The following TNS3 variants were observed in gnomAD, a reference collection of about 807,000 sequenced individuals.
TNS3 encodes the protein tensin 3.
Under a neutral mutation model 140.9 loss-of-function variants are expected in TNS3, and 45 were observed. The observed-to-expected ratio is 0.32, with a 90% CI of 0.25 to 0.41. TNS3 has a LOEUF of 0.41. TNS3 is among the 10% of genes least tolerant of loss of function. The probability of loss-of-function intolerance (pLI) is 1.00; values close to 1 mark genes in which losing one functional copy is unlikely to be tolerated. For missense variants in TNS3, 1,716 were observed against 1,906.7 expected, an observed-to-expected ratio of 0.90 and a Z score of 1.86; for synonymous variants, 815 against 788.4, an observed-to-expected ratio of 1.03 and a Z score of -0.56.
chr7:47,419,124 T>C (rs564448734), intron 10 of TNS3, among the ~76,000 whole-genome samples: 2 of 152,378 alleles, frequency 1.3e-5, no homozygotes, highest in African/African-American at 4.8e-5. Flanking sequence ...CACATTGGAA[T>C]TGCTGCAAAG....
intron 4 of TNS3, among the ~76,000 whole-genome samples, chr7:47,453,846 G>C (rs955960805): frequency 6.6e-6 from 1 of 152,220 alleles, no homozygotes; most frequent in African/African-American, 2.4e-5. Flanking sequence ...TAAGAGGAAG[G>C]GTGGCCAGCC....
intron 1 of TNS3, among the ~76,000 whole-genome samples, chr7:47,546,117 C>T (rs976866667): frequency 1.3e-5 from 2 of 152,178 alleles, no homozygotes; most frequent in Admixed American, 6.5e-5. Context: ...AGAGCTGCGG[C>T]GGACCCCGAC....
intron 10 of TNS3, among the ~76,000 whole-genome samples, chr7:47,416,336 G>A (rs755039966): frequency 7.9e-5 from 12 of 152,132 alleles, no homozygotes; most frequent in Non-Finnish European, 1.6e-4. Flanking sequence ...TCTCACTTAC[G>A]CTGGCAATTC....
At chr7:47,358,980 C>T (rs1046647730) in intron 17 of TNS3, among the ~76,000 whole-genome samples, 5 of 152,188 alleles carry the variant, frequency 3.3e-5, no homozygotes, top group Non-Finnish European at 7.3e-5. Flanking sequence ...TTTCAAGCAT[C>T]AGTGGGGAAG....
chr7:47,413,098 C>T (rs1180143450), intron 12 of TNS3, among the ~76,000 whole-genome samples: 1 of 151,786 alleles, frequency 6.6e-6, no homozygotes, highest in African/African-American at 2.4e-5. Context: ...GGACTACAGG[C>T]ACACGCCACC....
chr7:47,378,617 T>A (rs2151206413), intron 16 of TNS3, among the ~76,000 whole-genome samples: 1 of 152,324 alleles, frequency 6.6e-6, no homozygotes, highest in African/African-American at 2.4e-5. Context: ...GCAACCACTG[T>A]CTTCCAAGCA....
At chr7:47,557,430 T>C (rs1800224641) in intron 1 of TNS3, among the ~76,000 whole-genome samples, 1 of 152,208 alleles carries the variant, frequency 6.6e-6, no homozygotes. Flanking sequence ...TGCTATCTTT[T>C]AATCTTTCAA....
At chr7:47,332,863 G>A (rs1392946279) in intron 20 of TNS3, among the ~76,000 whole-genome samples, 1 of 152,252 alleles carries the variant, frequency 6.6e-6, no homozygotes, top group African/African-American at 2.4e-5. Flanking sequence ...CCCAGGGCCA[G>A]CATCAAATCC....
chr7:47,369,561 G>A lies in TNS3; in HGVS notation c.1085C>T (p.Ser362Phe). 1 of 1,611,636 alleles carries A rather than the reference G, an allele frequency of 6.2e-7. No homozygotes were observed. The highest frequency in any genetic ancestry group is 8.5e-7 in the Non-Finnish European group (1 of 1,178,684). Reference sequence around the variant, plus strand: ...GCCACCTGGGATGCCAGGATCCGAGGAGCTTTTCTTCCTCACCTTCGCGTA... The same window carrying A: ...GCCACCTGGGATGCCAGGATCCGAGAAGCTTTTCTTCCTCACCTTCGCGTA... Reference protein sequence around the residue: ...SLYAKVRKKSSSDPGIPGGPQ... With the variant: ...SLYAKVRKKSFSDPGIPGGPQ... Residue 362 changes from serine to phenylalanine, a missense_variant, in exon 17 of 31, where the codon TCC becomes TTC. Coordinates refer to ENST00000311160, the MANE Select transcript of TNS3 (RefSeq NM_022748.12).
chr7:47,511,028 A>G (rs548875536), intron 2 of TNS3, among the ~76,000 whole-genome samples: 1 of 152,358 alleles, frequency 6.6e-6, no homozygotes, highest in South Asian at 2.1e-4. Flanking sequence ...GTGGACCAAT[A>G]ATTTCCAAAT....
intron 4 of TNS3, among the ~76,000 whole-genome samples, chr7:47,454,282 A>C (rs1157246813): frequency 2.6e-5 from 4 of 152,178 alleles, no homozygotes; most frequent in Non-Finnish European, 4.4e-5. Context: ...CCACCTGCCC[A>C]CCATTTGGCA....
intron 4 of TNS3, among the ~76,000 whole-genome samples, chr7:47,444,433 A>ACTT (rs1317943253): frequency 6.6e-5 from 10 of 152,242 alleles, no homozygotes. Flanking sequence ...TATATAACTC[A>ACTT]TGGGGCAAAA....
At chr7:47,292,593 C>A (rs889762787) in intron 26 of TNS3, among the ~76,000 whole-genome samples, 85 of 152,198 alleles carry the variant, frequency 5.6e-4, no homozygotes, top group South Asian at 4.1e-4. Context: ...CTATAGAAAT[C>A]TTTCATCAAA....
intron 16 of TNS3, among the ~76,000 whole-genome samples, chr7:47,376,599 T>G (rs1002044567): frequency 2.0e-5 from 3 of 152,112 alleles, no homozygotes; most frequent in South Asian, 2.1e-4. Context: ...CATTAACGAT[T>G]TTTTTTACAA....
At chr7:47,302,840 G>C in intron 22 of TNS3, 110 bp downstream of exon 22, 1 of 1,426,384 alleles carries the variant, frequency 7.0e-7, no homozygotes, top group Non-Finnish European at 9.4e-7. Context: ...TTCCTCTCCA[G>C]GTGCCCAGCC....
chr7:47,579,359 C>T (rs1254013220), intron 1 of TNS3: 3 of 152,078 alleles, frequency 2.0e-5, no homozygotes, highest in Non-Finnish European at 2.9e-5. Context: ...CCCAGACCCA[C>T]CCTTCCCATG....
chr7:47,275,693 G>A lies in TNS3; in HGVS notation c.*2383C>T, dbSNP rs9876. ...TTCCTATACCAGCTCTTCAGAAATCGTGGAAACTTGCTTCCTTTGGTTCCT... is the reference window on the plus strand; with the variant it reads ...TTCCTATACCAGCTCTTCAGAAATCATGGAAACTTGCTTCCTTTGGTTCCT... On this transcript the variant is annotated 3_prime_UTR_variant, in exon 31 of 31. Coordinates refer to ENST00000311160, the MANE Select transcript of TNS3 (RefSeq NM_022748.12). 103,361 of 425,140 alleles carry A rather than the reference G, an allele frequency of 0.24. 14,354 individuals are homozygous for A. The highest frequency in any genetic ancestry group is 0.49 in the East Asian group (6,881 of 13,968). The allele number at this position is 425,140 out of a possible 1,614,324, so 26.3% of individuals were successfully genotyped here.
intron 4 of TNS3, among the ~76,000 whole-genome samples, chr7:47,446,508 C>A (rs193003319): frequency 1.3e-5 from 2 of 152,040 alleles, no homozygotes; most frequent in African/African-American, 4.8e-5. Flanking sequence ...GACAGCAAAG[C>A]CTCCCACCCA....
chr7:47,388,948 G>GGAGAAA (rs1792238156), intron 16 of TNS3, among the ~76,000 whole-genome samples: 1 of 144,556 alleles, frequency 6.9e-6, no homozygotes, highest in Non-Finnish European at 1.5e-5. Flanking sequence ...AGAAGGAGAA[G>GGAGAAA]CAGAAACAGA....
Sources: allele counts gnomAD v4.1 joint callset (sites outside exome capture counted in the v4.1 genomes callset), GRCh38; gene constraint gnomAD v4.1.1; transcripts MANE v1.5; gene names NCBI Gene and HGNC (gene_info 2026-07-23, HGNC 2026-07-21).